The following STPG2 variants were observed in gnomAD, a reference collection of about 807,000 sequenced individuals.
STPG2 encodes sperm tail PG-rich repeat containing 2.
A neutral mutation model predicts 54.2 loss-of-function variants in STPG2; 56 were observed. That is an observed-to-expected ratio of 1.03 (90% CI 0.83 to 1.29). STPG2 has a LOEUF of 1.29. STPG2 is among the 50% of genes most tolerant of loss of function. The probability of loss-of-function intolerance (pLI) is 0.00; values close to 1 mark genes in which losing one functional copy is unlikely to be tolerated. For missense variants in STPG2, 596 were observed against 544.9 expected (o/e 1.09, Z -0.93); for synonymous variants, 200 against 181.8 (o/e 1.10, Z -0.81).
At chr4:97,929,371 T>C (rs1179007106) in intron 8 of STPG2, among the ~76,000 whole-genome samples, 1 of 152,226 alleles carries the variant, frequency 6.6e-6, no homozygotes, top group Non-Finnish European at 1.5e-5. Context: ...GAACAATTTA[T>C]ATTCCTTTGG....
intron 4 of STPG2, among the ~76,000 whole-genome samples, chr4:97,483,923 C>G (rs759651029): frequency 4.5e-4 from 68 of 151,702 alleles, no homozygotes; most frequent in Non-Finnish European, 8.3e-4. Flanking sequence ...CCAAAAGGAA[C>G]TTCAAAACCA....
intron 9 of STPG2, among the ~76,000 whole-genome samples, chr4:97,726,210 T>C (rs1304785568): frequency 6.6e-6 from 1 of 151,884 alleles, no homozygotes; most frequent in African/African-American, 2.4e-5. Context: ...GTAGACAATT[T>C]GTATGATATT....
intron 8 of STPG2, among the ~76,000 whole-genome samples, chr4:97,931,944 A>T (rs1305088328): frequency 6.6e-6 from 1 of 151,894 alleles, no homozygotes; most frequent in Non-Finnish European, 1.5e-5. Context: ...CTGTGCAGGG[A>T]ATCAATTTCT....
At chr4:98,074,231 T>C (rs916418409) in intron 5 of STPG2, among the ~76,000 whole-genome samples, 8 of 152,334 alleles carry the variant, frequency 5.3e-5, no homozygotes, top group African/African-American at 1.9e-4. Context: ...ATAAGCTGGT[T>C]TCATCGCTTT....
chr4:97,593,223 C>G (rs556987030), intron 10 of STPG2, among the ~76,000 whole-genome samples: 2 of 152,112 alleles, frequency 1.3e-5, no homozygotes, highest in East Asian at 2.0e-4. Context: ...CAGCCCCTGC[C>G]GACAGGCACC....
chr4:97,485,935 A>C (rs1730344038), intron 4 of STPG2, among the ~76,000 whole-genome samples: 1 of 151,970 alleles, frequency 6.6e-6, no homozygotes, highest in South Asian at 2.1e-4. Context: ...AAAAATATAA[A>C]GTAGTGAAAA....
intron 8 of STPG2, among the ~76,000 whole-genome samples, chr4:97,884,208 A>C (rs1298695065): frequency 6.6e-6 from 1 of 152,212 alleles, no homozygotes; most frequent in Non-Finnish European, 1.5e-5. Flanking sequence ...TAAGCAACTG[A>C]ATCAGACAGG....
chr4:97,939,207 G>A (rs1022754287), intron 8 of STPG2, among the ~76,000 whole-genome samples: 1 of 152,098 alleles, frequency 6.6e-6, no homozygotes, highest in Non-Finnish European at 1.5e-5. Context: ...TCTTACATTT[G>A]TTGAAGATTG....
At chr4:97,444,741 T>G (rs1272573723) in intron 4 of STPG2, among the ~76,000 whole-genome samples, 1 of 152,026 alleles carries the variant, frequency 6.6e-6, no homozygotes, top group Non-Finnish European at 1.5e-5. Flanking sequence ...TAAAAATAAC[T>G]TAAGTAGGCT....
At chr4:97,773,594 G>C (rs1315110471) in intron 9 of STPG2, among the ~76,000 whole-genome samples, 1 of 152,192 alleles carries the variant, frequency 6.6e-6, no homozygotes, top group Non-Finnish European at 1.5e-5. Context: ...TTACAGGCAT[G>C]AGCCACCACA....
At chr4:97,831,394 G>T (rs1728454928) in intron 9 of STPG2, among the ~76,000 whole-genome samples, 1 of 152,062 alleles carries the variant, frequency 6.6e-6, no homozygotes, top group African/African-American at 2.4e-5. Context: ...AAAATTTATA[G>T]TACTAAATGG....
intron 8 of STPG2, among the ~76,000 whole-genome samples, chr4:97,894,922 G>A (rs777664365): frequency 6.6e-6 from 1 of 151,864 alleles, no homozygotes; most frequent in African/African-American, 2.4e-5. Context: ...TTAAAAATTA[G>A]CAAGAATATT....
At chr4:97,921,224 C>T (rs1298787595) in intron 8 of STPG2, among the ~76,000 whole-genome samples, 1 of 152,118 alleles carries the variant, frequency 6.6e-6, no homozygotes, top group African/African-American at 2.4e-5. Flanking sequence ...CAAGCAGGCA[C>T]TAATGGCCTC....
chr4:97,489,488 A>G (rs772521055), intron 4 of STPG2, among the ~76,000 whole-genome samples: 4 of 151,650 alleles, frequency 2.6e-5, no homozygotes, highest in Non-Finnish European at 5.9e-5. Context: ...AGTTCCACAC[A>G]TATGCCAAGA....
At chr4:97,533,528 T>C (rs757235998) in intron 4 of STPG2, among the ~76,000 whole-genome samples, 68 of 152,182 alleles carry the variant, frequency 4.5e-4, no homozygotes, top group Non-Finnish European at 8.2e-4. Context: ...GAATCATATA[T>C]AACATTTCCT....
At chr4:97,965,580 CT>C (rs1165206220) in intron 7 of STPG2, among the ~76,000 whole-genome samples, 3 of 152,194 alleles carry the variant, frequency 2.0e-5, no homozygotes, top group Non-Finnish European at 2.9e-5. Context: ...CTAGGAGACA[CT>C]TCCCAGAACG....
chr4:97,966,961 A>C (rs1274649171), intron 7 of STPG2, among the ~76,000 whole-genome samples: 1 of 152,212 alleles, frequency 6.6e-6, no homozygotes, highest in Non-Finnish European at 1.5e-5. Context: ...CTAATGGGCA[A>C]AATAACCAGC....
intron 8 of STPG2, among the ~76,000 whole-genome samples, chr4:97,915,232 G>A (rs1157222712): frequency 1.3e-5 from 2 of 152,028 alleles, no homozygotes; most frequent in African/African-American, 4.8e-5. Context: ...TGCTCTTAAG[G>A]AATTTACGAT....
At chr4:97,847,287 C>A (rs769123733) in intron 8 of STPG2, among the ~76,000 whole-genome samples, 2 of 152,020 alleles carry the variant, frequency 1.3e-5, no homozygotes, top group Non-Finnish European at 2.9e-5. Context: ...GTCATCCTTG[C>A]CATTTTAAGC....
Sources: gnomAD v4.1 joint callset for allele counts (sites outside exome capture counted in the v4.1 genomes callset) on GRCh38, gnomAD v4.1.1 for gene constraint, MANE v1.5 for transcripts, NCBI Gene and HGNC (gene_info 2026-07-23, HGNC 2026-07-21) for gene names.